Variants in MAF observed in about 807,000 individuals in gnomAD.
MAF encodes the protein transcription factor Maf.
In MAF, 10 loss-of-function variants were observed where a neutral mutation model predicts 22.0. That is an observed-to-expected ratio of 0.45 (90% CI 0.28 to 0.77). The LOEUF is 0.77. Ranked by LOEUF, MAF falls within the 30% of genes least tolerant of loss-of-function variation. The pLI is 0.12. For missense variants in MAF, 544 were observed against 548.4 expected (o/e 0.99, Z 0.08); for synonymous variants, 337 against 255.8 (o/e 1.32, Z -3.03).
the MAF span, among the ~76,000 whole-genome samples, chr16:79,440,825 A>G: frequency 6.6e-6 from 1 of 152,242 alleles, no homozygotes; most frequent in South Asian, 2.1e-4. Context: ...TGCTACTCTC[A>G]TATTTACTCA....
the MAF span, among the ~76,000 whole-genome samples, chr16:79,557,011 G>T: frequency 6.6e-6 from 1 of 151,580 alleles, no homozygotes; most frequent in Non-Finnish European, 1.5e-5. Context: ...AGAGACAGGG[G>T]CTTGCTATGT....
At chr16:79,257,093 C>T in the MAF span, among the ~76,000 whole-genome samples, 3 of 152,244 alleles carry the variant, frequency 2.0e-5, no homozygotes, top group South Asian at 6.2e-4. Context: ...AAGAGAATTG[C>T]TTGAACTCAG....
the MAF span, among the ~76,000 whole-genome samples, chr16:79,304,473 G>T: frequency 6.6e-6 from 1 of 152,058 alleles, no homozygotes; most frequent in African/African-American, 2.4e-5. Context: ...CTCTTTTGAT[G>T]GTTTGTTTTA....
the MAF span, among the ~76,000 whole-genome samples, chr16:79,302,006 C>T: frequency 2.6e-5 from 4 of 152,228 alleles, no homozygotes; most frequent in Admixed American, 2.0e-4. Flanking sequence ...CTGAGATCAC[C>T]GCCTCTCACA....
chr16:79,347,578 G>A, the MAF span, among the ~76,000 whole-genome samples: 4 of 152,322 alleles, frequency 2.6e-5, no homozygotes, highest in Non-Finnish European at 5.9e-5. Context: ...CGCTTCGCAT[G>A]CACCGAGCGG....
the MAF span, among the ~76,000 whole-genome samples, chr16:79,407,689 T>C: frequency 6.6e-6 from 1 of 152,116 alleles, no homozygotes; most frequent in Admixed American, 6.5e-5. Flanking sequence ...CAGAGATTTT[T>C]TTTCTCTACT....
At chr16:79,489,797 A>T in the MAF span, among the ~76,000 whole-genome samples, 2 of 152,170 alleles carry the variant, frequency 1.3e-5, no homozygotes, top group Non-Finnish European at 2.9e-5. Flanking sequence ...TAGGAGACAG[A>T]GGGCCAGGTG....
At chr16:79,556,002 GTTTGT>G in the MAF span, among the ~76,000 whole-genome samples, 2 of 142,652 alleles carry the variant, frequency 1.4e-5, no homozygotes, top group Admixed American at 7.0e-5. Context: ...GTGATGTTTA[GTTTGT>G]TTTGTTAGTT....
chr16:79,303,933 G>C, the MAF span, among the ~76,000 whole-genome samples: 1 of 152,170 alleles, frequency 6.6e-6, no homozygotes, highest in Non-Finnish European at 1.5e-5. Context: ...GAGGTTAAGG[G>C]TTGATGCACT....
At chr16:79,597,348 C>T in intron 1 of MAF, 3 of 1,038,990 alleles carry the variant, frequency 2.9e-6, no homozygotes, top group Non-Finnish European at 3.5e-6. Flanking sequence ...TGACAATGAC[C>T]AAAAGCCAAA....
the MAF span, among the ~76,000 whole-genome samples, chr16:79,465,604 A>G: frequency 6.6e-6 from 1 of 152,196 alleles, no homozygotes; most frequent in South Asian, 2.1e-4. Context: ...TGTTTCAAAA[A>G]CAAACACAAA....
the MAF span, among the ~76,000 whole-genome samples, chr16:79,441,442 C>T: frequency 1.3e-5 from 2 of 152,206 alleles, no homozygotes; most frequent in Non-Finnish European, 2.9e-5. Flanking sequence ...CCCAAGGCAA[C>T]CACTCAGCTC....
At chr16:79,303,748 A>C in the MAF span, among the ~76,000 whole-genome samples, 10 of 152,196 alleles carry the variant, frequency 6.6e-5, no homozygotes, top group Non-Finnish European at 1.5e-4. Context: ...AGACCATGAT[A>C]TTACTTATCT....
the MAF span, among the ~76,000 whole-genome samples, chr16:79,473,640 G>A: frequency 2.6e-5 from 4 of 152,222 alleles, no homozygotes; most frequent in Non-Finnish European, 5.9e-5. Context: ...AGAGCAGGCT[G>A]TGGAAAGGGC....
chr16:79,346,307 G>C, the MAF span, among the ~76,000 whole-genome samples: 1 of 151,870 alleles, frequency 6.6e-6, no homozygotes, highest in Non-Finnish European at 1.5e-5. Context: ...ATAGTTTGCT[G>C]AGAATGATGG....
At chr16:79,206,144 T>G in the MAF span, 1 of 152,202 alleles carries the variant, frequency 6.6e-6, no homozygotes, top group Admixed American at 6.5e-5. Context: ...AAAATCTCCT[T>G]TTAACATTTC....
the MAF span, among the ~76,000 whole-genome samples, chr16:79,526,607 G>A: frequency 1.4e-4 from 22 of 152,176 alleles, no homozygotes; most frequent in Admixed American, 3.9e-4. Context: ...ACAGGTTAGC[G>A]GTATGCTGGT....
the MAF span, among the ~76,000 whole-genome samples, chr16:79,345,285 T>C: frequency 0.17 from 25,197 of 152,124 alleles, 3,736 homozygotes; most frequent in African/African-American, 0.4. Context: ...TGGTCATCTT[T>C]TGTCACTCTG....
At chr16:79,466,862 G>T in the MAF span, among the ~76,000 whole-genome samples, 4 of 152,172 alleles carry the variant, frequency 2.6e-5, no homozygotes, top group Non-Finnish European at 5.9e-5. Flanking sequence ...AGTGATAGCT[G>T]CAGTGTTCCA....
Sources: gnomAD v4.1 joint callset for allele counts (sites outside exome capture counted in the v4.1 genomes callset) on GRCh38, gnomAD v4.1.1 for gene constraint, MANE v1.5 for transcripts, NCBI Gene and HGNC (gene_info 2026-07-23, HGNC 2026-07-21) for gene names.